Variants in CALN1 observed in about 807,000 individuals in gnomAD.
The protein encoded by CALN1 is calcium-binding protein 8.
A neutral mutation model predicts 30.6 loss-of-function variants in CALN1; 17 were observed. That is an observed-to-expected ratio of 0.56 (90% CI 0.38 to 0.83). CALN1 has a LOEUF of 0.83. Among genes scored for constraint, CALN1 ranks in the 40% least tolerant of loss-of-function variants. CALN1 has a pLI of 0.00. For missense variants in CALN1, 291 were observed against 354.9 expected (o/e 0.82, Z 1.45); for synonymous variants, 156 against 131.4 (o/e 1.19, Z -1.28).
intron 4 of CALN1, among the ~76,000 whole-genome samples, chr7:72,102,722 A>T (rs958950936): frequency 6.6e-6 from 1 of 152,194 alleles, no homozygotes; most frequent in African/African-American, 2.4e-5. Flanking sequence ...GACAGAAAAT[A>T]GAGAAGTGCT....
chr7:72,346,496 C>T (rs1018491930), intron 2 of CALN1, among the ~76,000 whole-genome samples: 3 of 152,114 alleles, frequency 2.0e-5, no homozygotes, highest in South Asian at 2.1e-4. Flanking sequence ...TTAATTTGAT[C>T]TCCATTCAGT....
At chr7:71,935,046 G>C (rs1562916085) in intron 5 of CALN1, among the ~76,000 whole-genome samples, 1 of 152,118 alleles carries the variant, frequency 6.6e-6, no homozygotes, top group Non-Finnish European at 1.5e-5. Flanking sequence ...ATGAGATTTG[G>C]GTGGGCAAAC....
At chr7:72,288,613 C>T (rs567983201) in intron 2 of CALN1, among the ~76,000 whole-genome samples, 3 of 152,148 alleles carry the variant, frequency 2.0e-5, no homozygotes, top group Non-Finnish European at 2.9e-5. Flanking sequence ...TCAATTTCCC[C>T]GATAGCCTTG....
At chr7:72,005,719 G>T (rs1799737249) in intron 5 of CALN1, among the ~76,000 whole-genome samples, 2 of 151,406 alleles carry the variant, frequency 1.3e-5, no homozygotes, top group African/African-American at 4.9e-5. Context: ...TACATAGTAT[G>T]TGACTCCATT....
chr7:72,378,572 C>T (rs1268325318), intron 2 of CALN1, among the ~76,000 whole-genome samples: 1 of 152,078 alleles, frequency 6.6e-6, no homozygotes, highest in African/African-American at 2.4e-5. Context: ...AAAATCTTAC[C>T]GGCACGTAAG....
intron 6 of CALN1, among the ~76,000 whole-genome samples, chr7:71,802,554 C>T (rs145407480): frequency 0.034 from 5,142 of 152,270 alleles, 304 homozygotes; most frequent in African/African-American, 0.12. Flanking sequence ...CCTCGAACCC[C>T]TGGGCTCAAG....
At chr7:71,909,632 G>A (rs1186537962) in intron 5 of CALN1, among the ~76,000 whole-genome samples, 1 of 152,146 alleles carries the variant, frequency 6.6e-6, no homozygotes, top group Non-Finnish European at 1.5e-5. Flanking sequence ...ACAATGACAG[G>A]CTTCCATACC....
At chr7:71,977,000 C>T (rs1798132719) in intron 5 of CALN1, among the ~76,000 whole-genome samples, 2 of 152,180 alleles carry the variant, frequency 1.3e-5, no homozygotes, top group South Asian at 4.1e-4. Flanking sequence ...CGAACCTTTT[C>T]TAATAAAAAT....
chr7:72,233,504 C>T (rs1379265675), intron 3 of CALN1, among the ~76,000 whole-genome samples: 2 of 152,034 alleles, frequency 1.3e-5, no homozygotes, highest in East Asian at 3.9e-4. Context: ...TCACTTGAGA[C>T]CAGGAGTTTG....
At chr7:71,991,090 G>C (rs1028387758) in intron 5 of CALN1, among the ~76,000 whole-genome samples, 2 of 151,998 alleles carry the variant, frequency 1.3e-5, no homozygotes, top group African/African-American at 4.8e-5. Flanking sequence ...ACAGAAGTAA[G>C]AATTCGATGT....
intron 5 of CALN1, among the ~76,000 whole-genome samples, chr7:72,006,383 A>G (rs1346921209): frequency 3.9e-5 from 6 of 152,220 alleles, no homozygotes; most frequent in Non-Finnish European, 8.8e-5. Context: ...CAATAGAGCA[A>G]AAGATGGAAA....
At chr7:72,343,456 G>A (rs1005081008) in intron 2 of CALN1, among the ~76,000 whole-genome samples, 2 of 152,058 alleles carry the variant, frequency 1.3e-5, no homozygotes, top group Non-Finnish European at 2.9e-5. Flanking sequence ...ACTGAGGCAG[G>A]AGAATTGCCT....
At chr7:72,497,134 T>C in the CALN1 span, among the ~76,000 whole-genome samples, 1 of 152,086 alleles carries the variant, frequency 6.6e-6, no homozygotes, top group African/African-American at 2.4e-5. Context: ...AGGCGCTCAG[T>C]GCTATTAATA....
chr7:71,946,590 G>A (rs1440831759), intron 5 of CALN1, among the ~76,000 whole-genome samples: 1 of 152,004 alleles, frequency 6.6e-6, no homozygotes, highest in Non-Finnish European at 1.5e-5. Context: ...TTGAACTCCT[G>A]GGCTCAAGCA....
intron 5 of CALN1, among the ~76,000 whole-genome samples, chr7:71,816,904 G>T (rs1788296819): frequency 6.6e-6 from 1 of 152,150 alleles, no homozygotes; most frequent in African/African-American, 2.4e-5. Context: ...GGAGGTGGAG[G>T]TTGCAGTGAG....
intron 2 of CALN1, among the ~76,000 whole-genome samples, chr7:72,393,711 G>A (rs1805733468): frequency 6.6e-6 from 1 of 151,624 alleles, no homozygotes; most frequent in Admixed American, 6.6e-5. Flanking sequence ...AGGTGCCTAG[G>A]AGTCGGCCAT....
chr7:72,256,856 C>A (rs960598471), intron 3 of CALN1, among the ~76,000 whole-genome samples: 1 of 152,158 alleles, frequency 6.6e-6, no homozygotes, highest in African/African-American at 2.4e-5. Context: ...TTCCCTCTGA[C>A]ATGCCAAGCA....
At chr7:72,119,342 C>T (rs766075539) in intron 3 of CALN1, among the ~76,000 whole-genome samples, 57 of 151,824 alleles carry the variant, frequency 3.8e-4, no homozygotes, top group Non-Finnish European at 7.2e-4. Flanking sequence ...CATTTAAAAA[C>T]TGTCAGATCT....
At chr7:72,358,674 G>A (rs1278379462) in intron 2 of CALN1, among the ~76,000 whole-genome samples, 1 of 152,144 alleles carries the variant, frequency 6.6e-6, no homozygotes, top group Non-Finnish European at 1.5e-5. Context: ...TTGGCGGCCA[G>A]GCGCGGTGGC....
Sources: allele counts gnomAD v4.1 joint callset (sites outside exome capture counted in the v4.1 genomes callset), GRCh38; gene constraint gnomAD v4.1.1; transcripts MANE v1.5; gene names NCBI Gene and HGNC (gene_info 2026-07-23, HGNC 2026-07-21).